The following ADTRP variants were observed in gnomAD, a reference collection of about 807,000 sequenced individuals.
The protein encoded by ADTRP is androgen-dependent TFPI-regulating protein.
In ADTRP, 20 loss-of-function variants were observed where a neutral mutation model predicts 27.0. The observed-to-expected ratio is 0.74, with a 90% CI of 0.52 to 1.08. The LOEUF is 1.08. Ranked by LOEUF, ADTRP falls within the 50% of genes least tolerant of loss-of-function variation. ADTRP has a pLI of 0.00. For synonymous variants in ADTRP, 101 were observed against 105.2 expected (o/e 0.96, Z 0.25); for missense variants, 251 against 275.0 (o/e 0.91, Z 0.62).
Position 11,766,395 on chromosome 6 carries a change from A to C in ADTRP, c.289-20T>G. Reference sequence around the variant, plus strand: ...TACAAACTGGAAAATAAAACACAAAAAATAGCATCATTAGGCTTGTTTTTA... The same window carrying C: ...TACAAACTGGAAAATAAAACACAAACAATAGCATCATTAGGCTTGTTTTTA... On this transcript the variant is annotated intron_variant, in intron 2 of 5. Coordinates refer to ENST00000414691, the MANE Select transcript of ADTRP (RefSeq NM_032744.4). 1 of 1,567,826 alleles carries C rather than the reference A, an allele frequency of 6.4e-7. No individual in the cohort carries two copies. The highest frequency in any genetic ancestry group is 8.8e-7 in the Non-Finnish European group (1 of 1,140,860).
At chr6:11,768,898 C>T (rs544997875) in intron 1 of ADTRP, among the ~76,000 whole-genome samples, 9 of 152,000 alleles carry the variant, frequency 5.9e-5, no homozygotes, top group African/African-American at 2.2e-4. Context: ...CAAAAGGGTG[C>T]CTTGCTCAGC....
intron 3 of ADTRP, among the ~76,000 whole-genome samples, chr6:11,740,442 CA>C (rs1762679399): frequency 6.6e-6 from 1 of 152,122 alleles, no homozygotes. Context: ...GGGGAAAACA[CA>C]TGACCAAAAT....
At chr6:11,760,875 A>G (rs1338432380) in intron 3 of ADTRP, among the ~76,000 whole-genome samples, 2 of 152,190 alleles carry the variant, frequency 1.3e-5, no homozygotes, top group African/African-American at 2.4e-5. Flanking sequence ...CATATGGATT[A>G]TTAAGTATAT....
At position 11,778,770 on chromosome 6, in the gene ADTRP, GACCGGGGC is replaced by G. The variant is rs1277488522; in HGVS notation, c.-19_-12del. 8 of 1,612,266 alleles carry G rather than the reference GACCGGGGC, an allele frequency of 5.0e-6. No homozygotes were observed. The highest frequency in any genetic ancestry group is 5.9e-6 in the Non-Finnish European group (7 of 1,178,816). ...AGAAGTCTTCGTCATGGCGAGTGCT[GACCGGGGC>G]ACCGTGAATGTCTTGAGTACTTTCT... On this transcript the variant is annotated 5_prime_UTR_variant, in exon 1 of 6. Coordinates refer to ENST00000414691, the MANE Select transcript of ADTRP (RefSeq NM_032744.4).
intron 3 of ADTRP, chr6:11,736,193 A>G: frequency 6.1e-6 from 1 of 162,998 alleles, no homozygotes. Context: ...GGCTTGGCGT[A>G]AGTCACCGTG....
At chr6:11,724,140 A>G (rs1227511776) in intron 4 of ADTRP, among the ~76,000 whole-genome samples, 1 of 152,204 alleles carries the variant, frequency 6.6e-6, no homozygotes. Context: ...GGGAACATGA[A>G]TGATCCCTTT....
rs141419773 is a variant in ADTRP at position 11,723,686 on chromosome 6, C to T, written c.507-186G>A. Among the ~76,000 whole-genome samples, 301 of 152,252 alleles carry T rather than the reference C, an allele frequency of 2.0e-3. 2 individuals carry two copies. The highest frequency in any genetic ancestry group is 1.7e-3 in the Non-Finnish European group (115 of 68,020). ...CTTTTCTGGGTAAATCAACTTGATTCAATAAGACATGCTGTTTGATGGGCT... is the reference window on the plus strand; with the variant it reads ...CTTTTCTGGGTAAATCAACTTGATTTAATAAGACATGCTGTTTGATGGGCT... On this transcript the variant is annotated intron_variant, in intron 4 of 5. Transcript: ENST00000414691.
intron 5 of ADTRP, 69 bp downstream of exon 5, chr6:11,723,280 G>A: frequency 1.9e-6 from 3 of 1,561,606 alleles, no homozygotes; most frequent in Non-Finnish European, 2.6e-6. Context: ...TTTTCTTTCT[G>A]TTTCCAGGTG....
intron 3 of ADTRP, chr6:11,755,090 T>C (rs1165893271): frequency 5.1e-6 from 5 of 985,294 alleles, no homozygotes; most frequent in Non-Finnish European, 6.0e-6. Flanking sequence ...TTACACATGG[T>C]TGCCAAGGAT....
At chr6:11,725,507 T>C (rs2113879358) in intron 4 of ADTRP, among the ~76,000 whole-genome samples, 1 of 152,330 alleles carries the variant, frequency 6.6e-6, no homozygotes, top group South Asian at 2.1e-4. Flanking sequence ...ATGGATACTA[T>C]ATTTTTTTTA....
intron 4 of ADTRP, among the ~76,000 whole-genome samples, chr6:11,733,136 A>T (rs925269450): frequency 7.2e-5 from 11 of 152,142 alleles, no homozygotes; most frequent in African/African-American, 2.7e-4. Context: ...CTCTGATTTT[A>T]TTTGTGGATT....
chr6:11,714,254 G>A lies in ADTRP; in HGVS notation c.*224C>T, dbSNP rs1349245397. The stretch of plus-strand genomic sequence containing the variant: ...GAAGGTCAAAGATAATTAATTCTGA[G>A]ATAGCAGGAGTTGTTTTTGGCATGT... On this transcript the variant is annotated 3_prime_UTR_variant, in exon 6 of 6. Transcript: ENST00000414691. 5.6e-6 allele frequency: 3 copies of A among 539,126 alleles called. No individual in the cohort carries two copies. The highest frequency in any genetic ancestry group is 9.8e-6 in the Non-Finnish European group (3 of 305,926). The allele number at this position is 539,126 out of a possible 1,614,324, so 33.4% of individuals were successfully genotyped here.
chr6:11,758,139 T>C (rs140994231), intron 3 of ADTRP, among the ~76,000 whole-genome samples: 147 of 152,344 alleles, frequency 9.6e-4, no homozygotes, highest in East Asian at 3.1e-3. Flanking sequence ...CCTTTAGAAG[T>C]ATGCTCATGG....
rs1762465785 is a variant in ADTRP, at chr6:11,733,979, C to T, written c.506+1589G>A. ...TGAACTGAAAATCAACTTACAAGTC[C>T]TTAGGTAGAAGACATTAGTAAGTAA... On this transcript the variant is annotated intron_variant, in intron 4 of 5. Transcript: ENST00000414691. Among the ~76,000 whole-genome samples, 3 of 152,088 alleles carry T rather than the reference C, an allele frequency of 2.0e-5. No individual in the cohort carries two copies. The South Asian group carries it at 6.2e-4, about 32-fold the overall frequency.
chr6:11,739,931 T>TG, intron 3 of ADTRP, among the ~76,000 whole-genome samples: 1 of 152,204 alleles, frequency 6.6e-6, no homozygotes, highest in East Asian at 1.9e-4. Flanking sequence ...TTTTCTCCAG[T>TG]GAAAAAAAAT....
chr6:11,725,508 AT>A (rs1182600791), intron 4 of ADTRP, among the ~76,000 whole-genome samples: 2 of 152,072 alleles, frequency 1.3e-5, no homozygotes, highest in Non-Finnish European at 1.5e-5. Context: ...TGGATACTAT[AT>A]TTTTTTTAAA....
At position 11,722,133 on chromosome 6, in the gene ADTRP, A is replaced by AT. The variant is rs1184876570; in HGVS notation, c.658+1215dup. Among the ~76,000 whole-genome samples, 1,250 of 147,042 alleles carry AT rather than the reference A, an allele frequency of 8.5e-3. 18 individuals carry two copies. The highest frequency in any genetic ancestry group is 0.028 in the African/African-American group (1,108 of 40,240). ...GTCAACACATCTGAAATGTCAACAC[A>AT]TTTTTTTTTTTGCGATAATTTTCTG... On this transcript the variant is annotated intron_variant, in intron 5 of 5. Coordinates refer to ENST00000414691, the MANE Select transcript of ADTRP (RefSeq NM_032744.4).
At chr6:11,727,671 G>T (rs1183399518) in intron 4 of ADTRP, among the ~76,000 whole-genome samples, 1 of 152,186 alleles carries the variant, frequency 6.6e-6, no homozygotes, top group Non-Finnish European at 1.5e-5. Context: ...GTAAAAGAAA[G>T]TTCCCGAGGT....
At chr6:11,765,631 C>T (rs983735103) in intron 3 of ADTRP, among the ~76,000 whole-genome samples, 15 of 151,930 alleles carry the variant, frequency 9.9e-5, no homozygotes, top group African/African-American at 3.1e-4. Context: ...CACATTGTGC[C>T]GATGATTCAG....
Sources: allele counts gnomAD v4.1 joint callset (sites outside exome capture counted in the v4.1 genomes callset), GRCh38; gene constraint gnomAD v4.1.1; transcripts MANE v1.5; gene names NCBI Gene and HGNC (gene_info 2026-07-23, HGNC 2026-07-21).